Variants in ITPK1 observed in about 807,000 individuals in gnomAD.
The protein encoded by ITPK1 is inositol-tetrakisphosphate 1-kinase, also known as inositol 1,3,4-trisphosphate 5/6-kinase.
In ITPK1, 21 loss-of-function variants were observed where a neutral mutation model predicts 45.3. The observed-to-expected ratio is 0.46, with a 90% confidence interval of 0.33 to 0.67. The LOEUF (loss-of-function observed/expected upper bound fraction) is 0.67, where lower values mean the gene tolerates loss of function less well. Ranked by LOEUF, ITPK1 falls within the 30% of genes least tolerant of loss-of-function variation. The pLI is 0.02. For missense variants in ITPK1, 474 were observed against 573.5 expected (o/e 0.83, Z 1.77); for synonymous variants, 258 against 253.6 (o/e 1.02, Z -0.16).
chr14:93,111,710 CAAAAA>C (rs34085009), intron 2 of ITPK1, among the ~76,000 whole-genome samples: 28 of 76,750 alleles, frequency 3.6e-4, no homozygotes, highest in Non-Finnish European at 6.3e-4. Flanking sequence ...GACTCCACCT[CAAAAA>C]AAAAAAAAAA....
chr14:93,031,275 G>A (rs1027684889), intron 3 of ITPK1, among the ~76,000 whole-genome samples: 8 of 152,216 alleles, frequency 5.3e-5, no homozygotes, highest in Non-Finnish European at 8.8e-5. Flanking sequence ...TGCAGGGGAC[G>A]GGGGACAAAG....
intron 2 of ITPK1, among the ~76,000 whole-genome samples, chr14:93,099,303 G>A (rs1892216326): frequency 6.6e-6 from 1 of 152,020 alleles, no homozygotes; most frequent in African/African-American, 2.4e-5. Flanking sequence ...AGAATTCCCA[G>A]GATCCAGCAA....
chr14:93,036,680 T>G lies in ITPK1; in HGVS notation c.121-19879A>C, dbSNP rs778904061. Among the ~76,000 whole-genome samples the G allele has an allele frequency of 1.9e-4, 29 of 152,072 alleles. No individual in the cohort carries two copies. The highest frequency in any genetic ancestry group is 1.3e-4 in the Admixed American group (2 of 15,270). On this transcript the variant is annotated intron_variant, in intron 3 of 10. Transcript: ENST00000267615. The surrounding 1 kb of genome is among the most constrained non-coding windows in gnomAD (Gnocchi z 4.1). ...CCCCAGGAACACTGCCCCTATTCTC[T>G]GGGCTCTGGGATCGTTACCAACAAC...
rs924276123 is a variant in ITPK1, at chr14:93,000,254, G to C, written c.247-6257C>G. Among the ~76,000 whole-genome samples the C allele has an allele frequency of 1.3e-5, 2 of 152,226 alleles. 1 individual carries two copies. Among genetic ancestry groups the C allele is most frequent in the Middle Eastern group, 6.8e-3 (2 of 294 alleles). ...CAACATACGTTTTCACTTCTCTTGG[G>C]TGTATAAATTGAAATGAAAATACAA... On this transcript the variant is annotated intron_variant, in intron 4 of 10. Transcript: ENST00000267615.
At chr14:93,085,977 G>A (rs893029145) in intron 2 of ITPK1, among the ~76,000 whole-genome samples, 9 of 146,384 alleles carry the variant, frequency 6.1e-5, no homozygotes, top group African/African-American at 9.9e-5. Flanking sequence ...TCCCCTCCCC[G>A]CTACCCCCAC....
intron 5 of ITPK1, among the ~76,000 whole-genome samples, chr14:92,980,378 C>G (rs1886163224): frequency 6.6e-6 from 1 of 152,188 alleles, no homozygotes. Context: ...GTGGAGGGCT[C>G]TGGCCCATGA....
chr14:93,066,168 G>C (rs895115369), intron 3 of ITPK1: 1 of 445,664 alleles, frequency 2.2e-6, no homozygotes, highest in African/African-American at 2.0e-5. Context: ...CAATACCTCA[G>C]TCCTTAATTC....
chr14:92,967,077 G>T (rs1283766904), intron 5 of ITPK1, among the ~76,000 whole-genome samples: 1 of 152,150 alleles, frequency 6.6e-6, no homozygotes, highest in Non-Finnish European at 1.5e-5. Context: ...GCAACCCAAG[G>T]AAAAATAGAA....
chr14:92,953,357 TCCTGGGGAGGAG>T (rs1230673680), intron 8 of ITPK1, among the ~76,000 whole-genome samples: 7 of 152,160 alleles, frequency 4.6e-5, no homozygotes, highest in South Asian at 4.1e-4. Context: ...TGAAATATGG[TCCTGGGGAGGAG>T]CCTGGGGAAA....
intron 2 of ITPK1, among the ~76,000 whole-genome samples, chr14:93,099,852 C>A (rs1453951442): frequency 2.6e-5 from 4 of 152,154 alleles, no homozygotes; most frequent in Non-Finnish European, 5.9e-5. Flanking sequence ...AGGTACTCTC[C>A]ACTCCCTTCT....
At chr14:92,974,570 G>A (rs1018982761) in intron 5 of ITPK1, among the ~76,000 whole-genome samples, 12 of 152,312 alleles carry the variant, frequency 7.9e-5, no homozygotes, top group African/African-American at 2.2e-4. Context: ...ACAGAGCTAC[G>A]AGCCCAGGTT....
intron 8 of ITPK1, among the ~76,000 whole-genome samples, chr14:92,954,722 A>G (rs1436045356): frequency 1.3e-5 from 2 of 152,066 alleles, no homozygotes; most frequent in African/African-American, 4.8e-5. Flanking sequence ...CACTGCTTTT[A>G]GCCTTATTTC....
At position 92,983,867 on chromosome 14, in the gene ITPK1, C is replaced by A. The variant is rs184511036; in HGVS notation, c.364+10013G>T. Among the ~76,000 whole-genome samples the A allele has an allele frequency of 6.4e-4, 97 of 151,736 alleles. 1 individual carries two copies. Among genetic ancestry groups the A allele is most frequent in the African/African-American group, 2.2e-3 (90 of 41,390 alleles). On this transcript the variant is annotated intron_variant, in intron 5 of 10. Coordinates refer to ENST00000267615, the MANE Select transcript of ITPK1 (RefSeq NM_014216.6). ...GACTGGAATGACCTTATGGGCCCAA[C>A]ATAAATTAGGATTCATTCATTCATG...
intron 3 of ITPK1, among the ~76,000 whole-genome samples, chr14:93,025,797 T>C (rs1297612269): frequency 6.6e-6 from 1 of 152,232 alleles, no homozygotes; most frequent in Non-Finnish European, 1.5e-5. Flanking sequence ...TGACCAGTCA[T>C]GCTCATTTAT....
At position 92,994,167 on chromosome 14, in the gene ITPK1, TGA is replaced by T. The variant is rs761894573; in HGVS notation, c.247-172_247-171del. 1.1e-4 allele frequency among the ~76,000 whole-genome samples: 16 copies of T among 152,212 alleles called. 1 individual carries two copies. The highest frequency in any genetic ancestry group is 6.5e-5 in the Admixed American group (1 of 15,284). On this transcript the variant is annotated intron_variant, in intron 4 of 10. Coordinates refer to ENST00000267615, the MANE Select transcript of ITPK1 (RefSeq NM_014216.6). The stretch of plus-strand genomic sequence containing the variant: ...CATTTCGAGCAGTCACCTGGAGATC[TGA>T]GAGAGAGGCTTGACTAGGCCAAACT...
intron 9 of ITPK1, 64 bp downstream of exon 9, chr14:92,951,882 C>T: frequency 7.6e-7 from 1 of 1,319,442 alleles, no homozygotes; most frequent in Non-Finnish European, 1.1e-6. Context: ...ATGGCCACAG[C>T]AGCCCACACC....
chr14:93,046,331 A>C (rs1889770138), intron 3 of ITPK1, among the ~76,000 whole-genome samples: 1 of 152,224 alleles, frequency 6.6e-6, no homozygotes, highest in African/African-American at 2.4e-5. Flanking sequence ...TCAGAGAAAC[A>C]GCGCTAGCCC....
intron 3 of ITPK1, among the ~76,000 whole-genome samples, chr14:93,039,687 C>T (rs1363600331): frequency 1.3e-5 from 2 of 152,356 alleles, no homozygotes; most frequent in South Asian, 2.1e-4. Context: ...CTCACAGGGT[C>T]GCTGTGATAA....
At chr14:92,947,225 G>A (rs906428157) in intron 9 of ITPK1, among the ~76,000 whole-genome samples, 3 of 152,206 alleles carry the variant, frequency 2.0e-5, no homozygotes, top group East Asian at 3.8e-4. Context: ...TAAACAATGC[G>A]GGCTCCCCAG....
Sources: allele counts gnomAD v4.1 joint callset (sites outside exome capture counted in the v4.1 genomes callset), GRCh38; gene constraint gnomAD v4.1.1; non-coding constraint Gnocchi (gnomAD v3.1); transcripts MANE v1.5; gene names NCBI Gene and HGNC (gene_info 2026-07-23, HGNC 2026-07-21).